The following RXRG variants were observed in gnomAD, a reference collection of about 807,000 sequenced individuals.
The protein encoded by RXRG is retinoic acid receptor RXR-gamma.
RXRG carries 19 observed loss-of-function variants against 49.2 expected under a neutral mutation model. The observed-to-expected ratio is 0.39, with a 90% CI of 0.27 to 0.57. The LOEUF is 0.57. Among genes scored for constraint, RXRG ranks in the 20% least tolerant of loss-of-function variants. RXRG has a pLI of 0.64. For synonymous variants in RXRG, 224 were observed against 216.6 expected (o/e 1.03, Z -0.30); for missense variants, 452 against 592.5 (o/e 0.76, Z 2.46).
intron 6 of RXRG, 25 bp from the exon 7 acceptor site, chr1:165,409,715 G>C (rs780458951): frequency 2.1e-6 from 3 of 1,458,024 alleles, no homozygotes; most frequent in Non-Finnish European, 2.7e-6. Flanking sequence ...AGGAGGTCTT[G>C]AGGGAAAACA....
chr1:165,428,731 T>G lies in RXRG; in HGVS notation c.285A>C (p.Pro95=). The G allele has an allele frequency of 3.1e-6, 5 of 1,597,788 alleles. No homozygotes were observed. The highest frequency in any genetic ancestry group is 4.3e-6 in the Non-Finnish European group (5 of 1,168,748). ...GAAGAACACTTACCTGAGAGCTGGG[T>G]GGGGCAACCAAGTTGATTCCTGGAG... ...AAPPGINLVA[P]PSSQLNVVNS... Residue 95 remains proline (P), a synonymous_variant, in exon 2 of 10, where the codon CCA becomes CCC. Coordinates refer to ENST00000359842, the MANE Select transcript of RXRG (RefSeq NM_006917.5).
In RXRG at chr1:165,445,000, G is replaced by A; in HGVS notation, c.-107C>T. Reference sequence around the variant, plus strand: ...TTCTTCAACTTGGGCTAACAAGAGTGGTCATCGCTTCCTAGCAGCCCGGGG... The same window carrying A: ...TTCTTCAACTTGGGCTAACAAGAGTAGTCATCGCTTCCTAGCAGCCCGGGG... On this transcript the variant is annotated 5_prime_UTR_variant, in exon 1 of 10. Transcript: ENST00000359842. 9.7e-7 allele frequency: 1 copy of A among 1,034,152 alleles called. No individual in the cohort carries two copies. Among genetic ancestry groups the A allele is most frequent in the Non-Finnish European group, 1.5e-6 (1 of 659,312 alleles). The allele number at this position is 1,034,152 out of a possible 1,614,324, so 64.1% of individuals were successfully genotyped here. A position where few individuals can be genotyped will look rare whatever the true frequency, so the allele number is the denominator to read the frequency against.
chr1:165,427,289 T>C (rs1658517612), intron 2 of RXRG, among the ~76,000 whole-genome samples: 1 of 152,242 alleles, frequency 6.6e-6, no homozygotes, highest in Non-Finnish European at 1.5e-5. Flanking sequence ...TTATTGTTCC[T>C]AATACTTCAC....
intron 4 of RXRG, 78 bp from the exon 5 acceptor site, chr1:165,411,187 T>C: frequency 7.4e-7 from 1 of 1,356,400 alleles, no homozygotes; most frequent in Non-Finnish European, 1.0e-6. Flanking sequence ...CACATGAGCC[T>C]CAATTTACTC....
intron 2 of RXRG, among the ~76,000 whole-genome samples, chr1:165,423,632 G>A (rs542083287): frequency 2.1e-5 from 3 of 143,972 alleles, no homozygotes; most frequent in East Asian, 4.4e-4. Flanking sequence ...CTAAACCTGC[G>A]ACTTCCTAAT....
intron 9 of RXRG, 36 bp downstream of exon 9, chr1:165,406,776 G>C: frequency 3.5e-6 from 5 of 1,429,288 alleles, no homozygotes; most frequent in Non-Finnish European, 4.9e-6. Flanking sequence ...GGGAGTAGTT[G>C]CTGCTGTTAC....
chr1:165,422,296 A>G (rs562619453), intron 2 of RXRG, among the ~76,000 whole-genome samples: 2 of 152,368 alleles, frequency 1.3e-5, no homozygotes, highest in South Asian at 4.1e-4. Flanking sequence ...AGATAAGGAC[A>G]TTGAGCCTTA....
At chr1:165,402,782 C>G in intron 9 of RXRG, among the ~76,000 whole-genome samples, 1 of 152,030 alleles carries the variant, frequency 6.6e-6, no homozygotes, top group Non-Finnish European at 1.5e-5. Context: ...GCATACACAC[C>G]TTCACACATA....
intron 2 of RXRG, 62 bp downstream of exon 2, chr1:165,428,657 G>A: frequency 2.0e-6 from 3 of 1,526,656 alleles, no homozygotes; most frequent in Non-Finnish European, 2.6e-6. Context: ...TCTGCTCCAG[G>A]AGCAGCCTGG....
intron 2 of RXRG, among the ~76,000 whole-genome samples, chr1:165,427,930 A>C (rs552180505): frequency 1.4e-4 from 22 of 152,320 alleles, no homozygotes; most frequent in Non-Finnish European, 1.9e-4. Context: ...CCACTCACCC[A>C]CCATCTGAAG....
chr1:165,440,789 T>C (rs148071306), intron 1 of RXRG, among the ~76,000 whole-genome samples: 123 of 152,324 alleles, frequency 8.1e-4, no homozygotes, highest in Non-Finnish European at 1.5e-3. Flanking sequence ...GGCTAAGTTC[T>C]CTGCAGACCT....
rs1260140051 is a variant in RXRG, at chr1:165,410,965, A to G, written c.767T>C (p.Met256Thr). The change falls in exon 5 of 10, where the codon ATG becomes ACG. Residue 256 changes from methionine to threonine, a missense_variant. Met to Thr is a moderately conservative substitution (Grantham distance 81, BLOSUM62 -1). This residue lies in a region of RXRG where 286 missense variants were observed against 440.9 expected (regional missense o/e 0.65). Transcript: ENST00000359842. ...AGCACATACCGAGTTCTCCATATTC[A>G]TGTCACCATAGGATTCTGTCTTTGG... is the stretch of plus-strand genomic sequence containing the variant. Reference protein sequence around the residue: ...VEPKTESYGDMNMENSTNDPV... With the variant: ...VEPKTESYGDTNMENSTNDPV... 1 of 1,614,128 alleles carries G rather than the reference A, an allele frequency of 6.2e-7. No individual in the cohort carries two copies. The highest frequency in any genetic ancestry group is 1.1e-5 in the South Asian group (1 of 91,076).
intron 1 of RXRG, chr1:165,437,123 G>A: frequency 2.2e-6 from 3 of 1,367,232 alleles, no homozygotes; most frequent in Non-Finnish European, 2.9e-6. Flanking sequence ...GCCTCCTGGA[G>A]GGTTCAGGGC....
intron 9 of RXRG, among the ~76,000 whole-genome samples, chr1:165,404,270 G>A (rs1657674008): frequency 6.6e-6 from 1 of 152,162 alleles, no homozygotes; most frequent in African/African-American, 2.4e-5. Flanking sequence ...AGCTGTGATG[G>A]ACAAACCCAG....
At chr1:165,413,059 T>C (rs1049081625) in intron 4 of RXRG, among the ~76,000 whole-genome samples, 6 of 152,212 alleles carry the variant, frequency 3.9e-5, no homozygotes, top group African/African-American at 1.2e-4. Flanking sequence ...GAAAATATCC[T>C]TGGTGTCAGG....
chr1:165,442,318 C>T (rs1382869323), intron 1 of RXRG, among the ~76,000 whole-genome samples: 1 of 152,216 alleles, frequency 6.6e-6, no homozygotes, highest in Non-Finnish European at 1.5e-5. Flanking sequence ...ATTTAGGCCT[C>T]CTCTTAACTG....
Position 165,419,862 on chromosome 1 carries a change from G to A in RXRG, c.442+8C>T. ...CACTTTTCAGGGAGTGTCTGCTTCTGCATGTACCTGAGGATCTGTCTCCAC... is the reference window on the plus strand; with the variant it reads ...CACTTTTCAGGGAGTGTCTGCTTCTACATGTACCTGAGGATCTGTCTCCAC... On this transcript the variant is annotated splice_region_variant and intron_variant, in intron 3 of 9. Transcript: ENST00000359842. 6.2e-7 allele frequency: 1 copy of A among 1,601,224 alleles called. No individual in the cohort carries two copies. Among genetic ancestry groups the A allele is most frequent in the East Asian group, 2.2e-5 (1 of 44,464 alleles).
At chr1:165,428,632 C>T (rs1478002803) in intron 2 of RXRG, 87 bp downstream of exon 2, 1 of 1,463,946 alleles carries the variant, frequency 6.8e-7, no homozygotes, top group Non-Finnish European at 9.2e-7. Context: ...CATTATGGAC[C>T]TGCTGAGTGC....
chr1:165,420,018 C>T lies in RXRG; in HGVS notation c.298-4G>A. 3 of 1,584,916 alleles carry T rather than the reference C, an allele frequency of 1.9e-6. No homozygotes were observed. The highest frequency in any genetic ancestry group is 2.6e-6 in the Non-Finnish European group (3 of 1,164,544). The stretch of plus-strand genomic sequence containing the variant: ...TGACACTGTTGACCACATTTAGCTG[C>T]AAGAGAAAAAAATACTGTAAAGCAC... On this transcript the variant is annotated splice_region_variant and splice_polypyrimidine_tract_variant and intron_variant, in intron 2 of 9. Transcript: ENST00000359842.
Sources: allele counts gnomAD v4.1 joint callset (sites outside exome capture counted in the v4.1 genomes callset), GRCh38; gene constraint gnomAD v4.1.1; regional missense constraint gnomAD v4.1.1; transcripts MANE v1.5; gene names NCBI Gene and HGNC (gene_info 2026-07-23, HGNC 2026-07-21).